The following ELMO1 variants were observed in gnomAD, a reference collection of about 807,000 sequenced individuals.
The protein encoded by ELMO1 is engulfment and cell motility protein 1.
In ELMO1, 26 loss-of-function variants were observed where a neutral mutation model predicts 98.9. The observed-to-expected ratio is 0.26, with a 90% CI of 0.19 to 0.36. The LOEUF is 0.36. Among genes scored for constraint, ELMO1 ranks in the 10% least tolerant of loss-of-function variants. ELMO1 has a pLI of 1.00. For missense variants in ELMO1, 627 were observed against 935.2 expected, an observed-to-expected ratio of 0.67 and a Z score of 4.30; for synonymous variants, 346 against 346.0, an observed-to-expected ratio of 1.00 and a Z score of 0.00.
At chr7:36,994,685 A>T (rs1045840670) in intron 16 of ELMO1, among the ~76,000 whole-genome samples, 1 of 152,214 alleles carries the variant, frequency 6.6e-6, no homozygotes, top group Admixed American at 6.5e-5. Flanking sequence ...GCACTCCTGA[A>T]CACTACCCCT....
intron 1 of ELMO1, among the ~76,000 whole-genome samples, chr7:37,403,697 A>C (rs1324065670): frequency 6.6e-6 from 1 of 151,804 alleles, no homozygotes; most frequent in Non-Finnish European, 1.5e-5. Context: ...GGCACACATC[A>C]CCACACCCAA....
intron 4 of ELMO1, among the ~76,000 whole-genome samples, chr7:37,285,500 C>G (rs1294964458): frequency 6.6e-6 from 1 of 152,174 alleles, no homozygotes; most frequent in East Asian, 1.9e-4. Flanking sequence ...CGAAGTGCTG[C>G]TATGAAAGAA....
intron 16 of ELMO1, among the ~76,000 whole-genome samples, chr7:36,951,436 A>G (rs986523214): frequency 2.6e-5 from 4 of 152,172 alleles, no homozygotes; most frequent in Non-Finnish European, 5.9e-5. Flanking sequence ...TCAGCCTGGA[A>G]GGTGCTTTCC....
intron 14 of ELMO1, among the ~76,000 whole-genome samples, chr7:37,113,230 A>C (rs114420062): frequency 0.02 from 2,988 of 152,274 alleles, 107 homozygotes; most frequent in African/African-American, 0.069. Context: ...GAGTCCTGCC[A>C]CTCACTCAAT....
At chr7:37,421,320 C>T (rs922336043) in intron 1 of ELMO1, among the ~76,000 whole-genome samples, 3 of 152,218 alleles carry the variant, frequency 2.0e-5, no homozygotes, top group Non-Finnish European at 2.9e-5. Flanking sequence ...TCCAGTTTGA[C>T]GTTCTTTCTA....
intron 15 of ELMO1, among the ~76,000 whole-genome samples, chr7:37,054,725 CAAAA>C (rs34879382): frequency 6.6e-6 from 1 of 152,032 alleles, no homozygotes; most frequent in African/African-American, 2.4e-5. Flanking sequence ...CTTTGGGTTT[CAAAA>C]AAGCTGGCAG....
At chr7:37,207,994 A>C (rs1418317798) in intron 13 of ELMO1, among the ~76,000 whole-genome samples, 3 of 152,206 alleles carry the variant, frequency 2.0e-5, no homozygotes, top group Non-Finnish European at 4.4e-5. Flanking sequence ...TTGTGCTGAG[A>C]AGGAATGTGA....
intron 16 of ELMO1, among the ~76,000 whole-genome samples, chr7:36,958,321 C>T (rs1204558320): frequency 6.6e-6 from 1 of 152,198 alleles, no homozygotes; most frequent in Non-Finnish European, 1.5e-5. Context: ...ATGGTGCTGT[C>T]TGGTCTCATT....
At chr7:37,374,070 G>A (rs1802226398) in intron 1 of ELMO1, among the ~76,000 whole-genome samples, 1 of 152,196 alleles carries the variant, frequency 6.6e-6, no homozygotes, top group Non-Finnish European at 1.5e-5. Flanking sequence ...GAGCTAACGT[G>A]GCTGTGGCCC....
chr7:36,972,283 G>T (rs17334729), intron 16 of ELMO1, among the ~76,000 whole-genome samples: 1 of 152,116 alleles, frequency 6.6e-6, no homozygotes, highest in South Asian at 2.1e-4. Context: ...ATAACAACTC[G>T]TATCCTGATG....
chr7:37,123,657 C>T (rs927383984), intron 14 of ELMO1, among the ~76,000 whole-genome samples: 46 of 152,102 alleles, frequency 3.0e-4, no homozygotes, highest in Non-Finnish European at 4.6e-4. Flanking sequence ...AGCTTACCAA[C>T]CAAAAAAAGT....
At chr7:36,940,016 A>T (rs540654485) in intron 16 of ELMO1, among the ~76,000 whole-genome samples, 1 of 152,348 alleles carries the variant, frequency 6.6e-6, no homozygotes, top group East Asian at 1.9e-4. Flanking sequence ...GTGGCAATTG[A>T]CAGGATTTTG....
intron 8 of ELMO1, among the ~76,000 whole-genome samples, chr7:37,228,852 C>T (rs1318798272): frequency 2.0e-5 from 3 of 151,980 alleles, no homozygotes; most frequent in Non-Finnish European, 2.9e-5. Flanking sequence ...ATTAGCCAGG[C>T]GTGGTGGTGG....
At chr7:36,859,257 C>T (rs988349687) in intron 21 of ELMO1, among the ~76,000 whole-genome samples, 1 of 152,172 alleles carries the variant, frequency 6.6e-6, no homozygotes, top group African/African-American at 2.4e-5. Context: ...ACTGACTGCA[C>T]ATGGTTTAAT....
chr7:37,163,240 G>C (rs1789353311), intron 13 of ELMO1, among the ~76,000 whole-genome samples: 1 of 152,014 alleles, frequency 6.6e-6, no homozygotes, highest in Non-Finnish European at 1.5e-5. Context: ...GAGTTATTAT[G>C]GGAAAATTTT....
chr7:37,286,411 T>G (rs1344998119), intron 4 of ELMO1, among the ~76,000 whole-genome samples: 1 of 152,172 alleles, frequency 6.6e-6, no homozygotes, highest in Non-Finnish European at 1.5e-5. Context: ...TGGCAAGCAA[T>G]AGGTGCTCAG....
intron 13 of ELMO1, among the ~76,000 whole-genome samples, chr7:37,208,874 G>C (rs1422028275): frequency 6.6e-6 from 1 of 151,962 alleles, no homozygotes; most frequent in South Asian, 2.1e-4. Context: ...AACTAAAAAA[G>C]AACCATGGAA....
intron 13 of ELMO1, among the ~76,000 whole-genome samples, chr7:37,153,521 T>C (rs1372492208): frequency 6.6e-6 from 1 of 152,116 alleles, no homozygotes; most frequent in Non-Finnish European, 1.5e-5. Context: ...CGCCCACAGA[T>C]CCTTGGGATG....
intron 15 of ELMO1, among the ~76,000 whole-genome samples, chr7:37,083,415 G>A (rs1245677328): frequency 6.6e-6 from 1 of 152,024 alleles, no homozygotes; most frequent in Non-Finnish European, 1.5e-5. Context: ...ATACAAGACA[G>A]AAGAGCAAAG....
Sources: allele counts gnomAD v4.1 joint callset (sites outside exome capture counted in the v4.1 genomes callset), GRCh38; gene constraint gnomAD v4.1.1; transcripts MANE v1.5; gene names NCBI Gene and HGNC (gene_info 2026-07-23, HGNC 2026-07-21).